The following RBM42 variants were observed in gnomAD, a reference collection of about 807,000 sequenced individuals.
The protein encoded by RBM42 is RNA-binding protein 42.
RBM42 carries 21 observed loss-of-function variants against 41.4 expected under a neutral mutation model. The observed-to-expected ratio is 0.51, with a 90% CI of 0.36 to 0.73. The LOEUF (loss-of-function observed/expected upper bound fraction) is 0.73. Ranked by LOEUF, RBM42 falls within the 30% of genes least tolerant of loss-of-function variation. The pLI is 0.00. For missense variants in RBM42, 539 were observed against 680.4 expected, an observed-to-expected ratio of 0.79 and a Z score of 2.31; for synonymous variants, 272 against 271.2, an observed-to-expected ratio of 1.00 and a Z score of -0.03.
In RBM42 at chr19:35,633,720, G is replaced by C. The variant is rs369886804; in HGVS notation, c.718G>C (p.Gly240Arg). 7.1e-5 allele frequency: 106 copies of C among 1,482,618 alleles called. No homozygotes were observed. The highest frequency in any genetic ancestry group is 9.1e-5 in the Non-Finnish European group (102 of 1,122,572). 91.8% of individuals were successfully genotyped at this position (1,482,618 alleles called of 1,614,324 possible). The change falls in exon 7 of 10, where the codon GGC (glycine) becomes CGC (arginine). Residue 240 changes from glycine to arginine, a missense_variant. Physicochemically the swap from Gly to Arg is moderately radical, Grantham distance 125. Around this residue, in one of 2 missense-constraint regions of RBM42, gnomAD observed 429 missense variants for 488.9 expected, o/e 0.88. Transcript: ENST00000262633. ...AGCAGCACCCCGAGAGCTGGGCCTA[G>C]GCCTGGGGTTGGGCCTGAAAGAGAA... ...EPAAPRELGL[G>R]LGLGLKEKEE...
chr19:35,631,717 C>T (rs775794579), intron 4 of RBM42: 22 of 406,740 alleles, frequency 5.4e-5, no homozygotes, highest in Non-Finnish European at 9.4e-5. Context: ...AATAAAAGCT[C>T]CATGAGGGGC....
chr19:35,630,057 TG>T (rs1337790884), intron 2 of RBM42, among the ~76,000 whole-genome samples: 1 of 152,220 alleles, frequency 6.6e-6, no homozygotes, highest in Non-Finnish European at 1.5e-5. Flanking sequence ...GGCTCACACC[TG>T]TAATCCCAGC....
chr19:35,630,764 T>G (rs769344657), intron 2 of RBM42, among the ~76,000 whole-genome samples: 1 of 152,074 alleles, frequency 6.6e-6, no homozygotes, highest in Admixed American at 6.5e-5. Flanking sequence ...AGACTCCGTC[T>G]CAAAAAAAAG....
rs755784001 is a variant in RBM42, at chr19:35,637,495, C to T, written c.1384C>T (p.Arg462Trp). The T allele has an allele frequency of 3.1e-6, 5 of 1,614,216 alleles. No homozygotes were observed. Among genetic ancestry groups the T allele is most frequent in the African/African-American group, 1.3e-5 (1 of 75,054 alleles). ...GCTTCGCAAGAGCATGTGGAAGGACCGGAATCTGGACGTGGTCCGCAAGAA... is the reference window on the plus strand; with the variant it reads ...GCTTCGCAAGAGCATGTGGAAGGACTGGAATCTGGACGTGGTCCGCAAGAA... ...IKLRKSMWKD[R>W]NLDVVRKKQK... is the part of the protein sequence containing the mutation. Residue 462 changes from arginine (R) to tryptophan (W), a missense_variant, in exon 10 of 10, where the codon CGG becomes TGG. By Grantham distance (101) the Arg-to-Trp change is moderately radical. Around this residue, in one of 2 missense-constraint regions of RBM42, gnomAD observed 110 missense variants for 191.5 expected, o/e 0.57. Transcript: ENST00000262633. The surrounding 1 kb of genome is among the most constrained non-coding windows in gnomAD (Gnocchi z 7.0).
At chr19:35,633,377 T>C in intron 6 of RBM42, 125 bp downstream of exon 6, 2 of 807,178 alleles carry the variant, frequency 2.5e-6, no homozygotes, top group Middle Eastern at 3.7e-4. Flanking sequence ...CTTCTCACTC[T>C]GCCTTTGTCT....
chr19:35,634,851 A>G (rs781572239), intron 8 of RBM42, among the ~76,000 whole-genome samples: 16 of 151,868 alleles, frequency 1.1e-4, no homozygotes, highest in Non-Finnish European at 2.1e-4. Flanking sequence ...CAGATGGCAC[A>G]GTAAACACCC....
Position 35,637,339 on chromosome 19 carries a change from G to A in RBM42, c.1317G>A (p.Met439Ile), listed in dbSNP as rs766564312. Reference protein sequence around the residue: ...FKDPSDYVRAMREMNGKYVGS... With the variant: ...FKDPSDYVRAIREMNGKYVGS... ...ACCCCAGCGACTACGTGCGCGCCAT[G>A]CGTGAGATGAATGGTGGGTGCGGCC... The change falls in exon 9 of 10, where the codon ATG becomes ATA. Residue 439 changes from methionine (M) to isoleucine (I), a missense_variant. This residue lies in a region of RBM42 where 110 missense variants were observed against 191.5 expected (regional missense o/e 0.57). Transcript: ENST00000262633. This position sits in a 1 kb window ranked among gnomAD's most constrained non-coding sequence, Gnocchi z 7.0. 1 of 1,614,240 alleles carries A rather than the reference G, an allele frequency of 6.2e-7. No individual in the cohort carries two copies. Among genetic ancestry groups the A allele is most frequent in the Non-Finnish European group, 8.5e-7 (1 of 1,180,030 alleles).
intron 2 of RBM42, among the ~76,000 whole-genome samples, chr19:35,630,585 G>C (rs1293542003): frequency 6.6e-6 from 1 of 152,160 alleles, no homozygotes; most frequent in African/African-American, 2.4e-5. Flanking sequence ...GGCCAACATG[G>C]TGCAACCCCG....
chr19:35,633,291 G>C, intron 6 of RBM42, 39 bp downstream of exon 6: 1 of 1,478,274 alleles, frequency 6.8e-7, no homozygotes, highest in South Asian at 1.3e-5. Flanking sequence ...GATGTGCGGT[G>C]GACGGGGAGA....
intron 6 of RBM42, 110 bp downstream of exon 6, chr19:35,633,362 TC>T: frequency 1.2e-6 from 1 of 864,676 alleles, no homozygotes; most frequent in East Asian, 2.5e-5. Flanking sequence ...TTTCTGTTTC[TC>T]TACCTTCTCA....
intron 8 of RBM42, among the ~76,000 whole-genome samples, chr19:35,634,627 C>A (rs1967464502): frequency 6.9e-6 from 1 of 145,178 alleles, no homozygotes; most frequent in Non-Finnish European, 1.5e-5. Context: ...AGAGAGCATT[C>A]TTTTTTTTTC....
Position 35,637,387 on chromosome 19 carries a change from G to C in RBM42, c.1330+35G>C, listed in dbSNP as rs1967516644. 6.2e-7 allele frequency: 1 copy of C among 1,613,168 alleles called. No homozygotes were observed. Among genetic ancestry groups the C allele is most frequent in the Non-Finnish European group, 8.5e-7 (1 of 1,179,432 alleles). On this transcript the variant is annotated intron_variant, in intron 9 of 9. Coordinates refer to ENST00000262633, the MANE Select transcript of RBM42 (RefSeq NM_024321.5). The surrounding 1 kb of genome is among the most constrained non-coding windows in gnomAD (Gnocchi z 7.0). Reference sequence around the variant, plus strand: ...GCCTCCCCTGGGAACTGCAGGCGCGGCAGGCGCTGGCCTAAGCCTGACCCG... The same window carrying C: ...GCCTCCCCTGGGAACTGCAGGCGCGCCAGGCGCTGGCCTAAGCCTGACCCG...
chr19:35,633,922 G>A lies in RBM42; in HGVS notation c.920G>A (p.Gly307Asp). Residue 307 changes from glycine (G) to aspartate (D), a missense_variant, in exon 7 of 10, where the codon GGC (glycine) becomes GAC (aspartate). Around this residue, in one of 2 missense-constraint regions of RBM42, gnomAD observed 429 missense variants for 488.9 expected, o/e 0.88. Coordinates refer to ENST00000262633, the MANE Select transcript of RBM42 (RefSeq NM_024321.5). ...CCCCTCCCGTTGGAGGTCGTCCGCG[G>A]CCTCCTGCCCCCGCTGCGCATTCCT... ...PLPLPLEVVR[G>D]LLPPLRIPEL... 1 of 1,589,816 alleles carries A rather than the reference G, an allele frequency of 6.3e-7. No individual in the cohort carries two copies. Among genetic ancestry groups the A allele is most frequent in the Non-Finnish European group, 8.5e-7 (1 of 1,172,644 alleles).
In RBM42 at chr19:35,631,315, T is replaced by G; in HGVS notation, c.368-16T>G. 1 of 1,614,000 alleles carries G rather than the reference T, an allele frequency of 6.2e-7. No individual in the cohort carries two copies. On this transcript the variant is annotated splice_polypyrimidine_tract_variant and intron_variant, in intron 3 of 9. Transcript: ENST00000262633. ...GGACTCTCCTCCCACCATCCTTGCC[T>G]CTCCCCTCCCAACAGTTGGCTTTGG...
chr19:35,633,545 T>C, intron 6 of RBM42, 142 bp from the exon 7 acceptor site: 1 of 754,248 alleles, frequency 1.3e-6, no homozygotes, highest in Non-Finnish European at 2.0e-6. Flanking sequence ...TTCTCTGTGT[T>C]TGTCTGGCTG....
chr19:35,631,565 T>G, intron 4 of RBM42, 160 bp downstream of exon 4: 1 of 690,690 alleles, frequency 1.4e-6, no homozygotes. Context: ...TTTCTGATGA[T>G]GTCAATTTTG....
chr19:35,635,484 A>G (rs1935882197), intron 8 of RBM42, among the ~76,000 whole-genome samples: 1 of 150,232 alleles, frequency 6.7e-6, no homozygotes, highest in Non-Finnish European at 1.5e-5. Context: ...ACCAGCATGC[A>G]TGCAGTTTTA....
rs567938838 is a variant in RBM42 at position 35,632,727 on chromosome 19, A to G, written c.443-209A>G. 5.3e-5 allele frequency among the ~76,000 whole-genome samples: 8 copies of G among 152,032 alleles called. No homozygotes were observed. The South Asian group carries it at 1.7e-3, about 32-fold the overall frequency. On this transcript the variant is annotated intron_variant, in intron 4 of 9. Transcript: ENST00000262633. Reference sequence around the variant, plus strand: ...TGGTGTGTCCCCAGCATTGCCTGCCACAGGGCTGAGCCAGAGGAGCTTCTC... The same window carrying G: ...TGGTGTGTCCCCAGCATTGCCTGCCGCAGGGCTGAGCCAGAGGAGCTTCTC...
intron 8 of RBM42, among the ~76,000 whole-genome samples, chr19:35,636,039 T>A (rs1967491553): frequency 6.6e-6 from 1 of 152,058 alleles, no homozygotes; most frequent in Non-Finnish European, 1.5e-5. Context: ...CCCTCCTGCT[T>A]CAGTGTTTGA....
Sources: allele counts gnomAD v4.1 joint callset (sites outside exome capture counted in the v4.1 genomes callset), GRCh38; gene constraint gnomAD v4.1.1; regional missense constraint gnomAD v4.1.1; non-coding constraint Gnocchi (gnomAD v3.1); transcripts MANE v1.5; gene names NCBI Gene and HGNC (gene_info 2026-07-23, HGNC 2026-07-21).